C6orf58: variants seen among roughly 807,000 people sequenced by gnomAD.
C6orf58 encodes chromosome 6 open reading frame 58.
In C6orf58, 30 loss-of-function variants were observed where a neutral mutation model predicts 37.0. The observed-to-expected ratio is 0.81, with a 90% CI of 0.61 to 1.10. The LOEUF is 1.10. Ranked by LOEUF, C6orf58 falls within the 50% of genes least tolerant of loss-of-function variation. The probability of loss-of-function intolerance (pLI) is 0.00; values close to 1 mark genes in which losing one functional copy is unlikely to be tolerated. For missense variants in C6orf58, 368 were observed against 387.5 expected (o/e 0.95, Z 0.42); for synonymous variants, 143 against 134.1 (o/e 1.07, Z -0.46).
intron 4 of C6orf58, 65 bp downstream of exon 4, chr6:127,581,347 AT>A: frequency 3.1e-6 from 2 of 652,998 alleles, no homozygotes; most frequent in East Asian, 6.5e-5. Flanking sequence ...TTATTTATAT[AT>A]TTTTCTTCTT....
intron 5 of C6orf58, among the ~76,000 whole-genome samples, chr6:127,591,282 A>T (rs1476211837): frequency 6.6e-6 from 1 of 152,158 alleles, no homozygotes; most frequent in African/African-American, 2.4e-5. Context: ...TTTTATATAT[A>T]TTTTTCTTGC....
At chr6:127,589,465 T>C (rs1775138661) in intron 4 of C6orf58, among the ~76,000 whole-genome samples, 1 of 152,238 alleles carries the variant, frequency 6.6e-6, no homozygotes, top group African/African-American at 2.4e-5. Context: ...CTTTCCATTG[T>C]AATTATTTGT....
intron 2 of C6orf58, 149 bp from the exon 3 acceptor site, chr6:127,580,116 G>A (rs1026524723): frequency 1.6e-5 from 9 of 560,836 alleles, no homozygotes; most frequent in Non-Finnish European, 2.2e-5. Context: ...ATCCTTAGGG[G>A]GATTTTTGTT....
chr6:127,585,632 C>A (rs1775099277), intron 4 of C6orf58, among the ~76,000 whole-genome samples: 1 of 152,148 alleles, frequency 6.6e-6, no homozygotes, highest in African/African-American at 2.4e-5. Flanking sequence ...CAGTGTCATA[C>A]TAAGAACAGA....
At chr6:127,581,320 A>T in intron 4 of C6orf58, 38 bp downstream of exon 4, 1 of 937,682 alleles carries the variant, frequency 1.1e-6, no homozygotes, top group Non-Finnish European at 1.6e-6. Flanking sequence ...ATTTAATATG[A>T]TAAATAATTT....
chr6:127,591,122 C>G (rs1163485860), intron 5 of C6orf58, among the ~76,000 whole-genome samples: 2 of 152,106 alleles, frequency 1.3e-5, no homozygotes, highest in African/African-American at 4.8e-5. Flanking sequence ...TAGGCAGCTT[C>G]CCTTCACACA....
intron 4 of C6orf58, among the ~76,000 whole-genome samples, chr6:127,586,781 C>T (rs943864491): frequency 1.3e-5 from 2 of 152,206 alleles, no homozygotes; most frequent in African/African-American, 4.8e-5. Context: ...AGTGTCTTTG[C>T]ATTCAGTATA....
Position 127,577,491 on chromosome 6 carries a change from G to T in C6orf58, c.301+5G>T. The stretch of plus-strand genomic sequence containing the variant: ...ATGGCTGGCAATATAGGACAGGTAA[G>T]AATGACTCTTGTTTTCATTGTAATG... On this transcript the variant is annotated splice_donor_5th_base_variant and intron_variant, in intron 1 of 5. Coordinates refer to ENST00000329722, the MANE Select transcript of C6orf58 (RefSeq NM_001010905.3). 6.2e-7 allele frequency: 1 copy of T among 1,612,402 alleles called. No homozygotes were observed. The highest frequency in any genetic ancestry group is 8.5e-7 in the Non-Finnish European group (1 of 1,178,792).
chr6:127,577,244 C>T lies in C6orf58; in HGVS notation c.59C>T (p.Ala20Val). Residue 20 changes from alanine (A) to valine (V), a missense_variant, in exon 1 of 6, where the codon GCA becomes GTA. Transcript: ENST00000329722. ...VLVGSFSASL[A>V]GTSNLSETEP... ...GTTGGTTCCTTTTCTGCTTCCTTAG[C>T]AGGGACTTCCAATCTCTCAGAGACA... The T allele has an allele frequency of 6.2e-7, 1 of 1,613,446 alleles. No individual in the cohort carries two copies. The highest frequency in any genetic ancestry group is 1.1e-5 in the South Asian group (1 of 91,054).
In C6orf58 at chr6:127,577,450, G is replaced by A; in HGVS notation, c.265G>A (p.Gly89Arg). 1 of 1,613,616 alleles carries A rather than the reference G, an allele frequency of 6.2e-7. No individual in the cohort carries two copies. The highest frequency in any genetic ancestry group is 8.5e-7 in the Non-Finnish European group (1 of 1,179,642). Reference sequence around the variant, plus strand: ...AGATAATGAACAGAATATTTTATGGGGGTTGCCTCTGCAGTATGGCTGGCA... The same window carrying A: ...AGATAATGAACAGAATATTTTATGGAGGTTGCCTCTGCAGTATGGCTGGCA... ...APDNEQNILW[G>R]LPLQYGWQYR... Residue 89 changes from glycine to arginine, a missense_variant, in exon 1 of 6, where the codon GGG becomes AGG. Physicochemically the swap from Gly to Arg is moderately radical, Grantham distance 125 (BLOSUM62 -2). Coordinates refer to ENST00000329722, the MANE Select transcript of C6orf58 (RefSeq NM_001010905.3).
chr6:127,584,362 C>T (rs1287670828), intron 4 of C6orf58, among the ~76,000 whole-genome samples: 2 of 152,152 alleles, frequency 1.3e-5, no homozygotes, highest in Admixed American at 6.5e-5. Flanking sequence ...CAATATTTTC[C>T]TCATAGTTTG....
chr6:127,581,071 ATTC>A, intron 3 of C6orf58, 108 bp from the exon 4 acceptor site: 1 of 431,664 alleles, frequency 2.3e-6, no homozygotes, highest in Non-Finnish European at 4.0e-6. Flanking sequence ...TAGAAATAAA[ATTC>A]TTCTTTTATG....
chr6:127,581,527 A>C (rs1339432615), intron 4 of C6orf58, among the ~76,000 whole-genome samples: 2 of 151,946 alleles, frequency 1.3e-5, no homozygotes, highest in Non-Finnish European at 2.9e-5. Flanking sequence ...AAAAAAAAGC[A>C]ACAGACAATA....
At chr6:127,589,706 CA>C (rs1413861572) in intron 4 of C6orf58, among the ~76,000 whole-genome samples, 2 of 152,116 alleles carry the variant, frequency 1.3e-5, no homozygotes, top group Non-Finnish European at 2.9e-5. Flanking sequence ...AACAGTTTCA[CA>C]AAGGATATTT....
intron 4 of C6orf58, among the ~76,000 whole-genome samples, chr6:127,586,254 A>C (rs529332594): frequency 1.3e-5 from 2 of 152,294 alleles, no homozygotes; most frequent in South Asian, 4.1e-4. Flanking sequence ...ACAGACTTTC[A>C]GTCAGGCACA....
At position 127,591,625 on chromosome 6, in the gene C6orf58, C is replaced by T; in HGVS notation, c.*3C>T. 3.4e-6 allele frequency: 5 copies of T among 1,489,642 alleles called. No homozygotes were observed. Among genetic ancestry groups the T allele is most frequent in the Non-Finnish European group, 4.4e-6 (5 of 1,123,704 alleles). The allele number at this position is 1,489,642 out of a possible 1,614,324, so 92.3% of individuals were successfully genotyped here. Reference sequence around the variant, plus strand: ...GAAGTTATGGAAATAACTCCTGAAACATTTAACTTCAAACTTCAGGAAATG... The same window carrying T: ...GAAGTTATGGAAATAACTCCTGAAATATTTAACTTCAAACTTCAGGAAATG... On this transcript the variant is annotated 3_prime_UTR_variant, in exon 6 of 6. Coordinates refer to ENST00000329722, the MANE Select transcript of C6orf58 (RefSeq NM_001010905.3).
At chr6:127,584,699 G>C (rs918630616) in intron 4 of C6orf58, among the ~76,000 whole-genome samples, 1 of 151,636 alleles carries the variant, frequency 6.6e-6, no homozygotes, top group Non-Finnish European at 1.5e-5. Flanking sequence ...GCTTGAACCC[G>C]GGAGGCAGAG....
In C6orf58 at chr6:127,590,154, G is replaced by C. The variant is rs770643503; in HGVS notation, c.742G>C (p.Ala248Pro). Residue 248 changes from alanine to proline, a missense_variant, in exon 5 of 6, where the codon GCT becomes CCT. Coordinates refer to ENST00000329722, the MANE Select transcript of C6orf58 (RefSeq NM_001010905.3). ...RSWVLAVDHLAAVLFPTTLIR... is the reference protein window; with the variant it reads ...RSWVLAVDHLPAVLFPTTLIR... Reference sequence around the variant, plus strand: ...TTGGGTACTGGCTGTGGATCATTTAGCTGCAGTCCTCTTTCCTACAACCTT... The same window carrying C: ...TTGGGTACTGGCTGTGGATCATTTACCTGCAGTCCTCTTTCCTACAACCTT... The C allele has an allele frequency of 2.5e-6, 4 of 1,613,752 alleles. No homozygotes were observed. In the South Asian group the frequency reaches 4.4e-5, roughly 18 times the overall value.
intron 5 of C6orf58, 85 bp downstream of exon 5, chr6:127,590,410 A>G (rs1775150119): frequency 2.4e-6 from 2 of 839,466 alleles, no homozygotes; most frequent in Non-Finnish European, 3.8e-6. Flanking sequence ...CAGTGATATA[A>G]ACATTACAGC....
Sources: gnomAD v4.1 joint callset for allele counts (sites outside exome capture counted in the v4.1 genomes callset) on GRCh38, gnomAD v4.1.1 for gene constraint, MANE v1.5 for transcripts, NCBI Gene and HGNC (gene_info 2026-07-23, HGNC 2026-07-21) for gene names.